GRIP1: variants seen among roughly 807,000 people sequenced by gnomAD.
GRIP1 encodes the protein glutamate receptor interacting protein 1, also known as glutamate receptor-interacting protein 1.
In GRIP1, 45 loss-of-function variants were observed where a neutral mutation model predicts 129.9. That is an observed-to-expected ratio of 0.35 (90% CI 0.27 to 0.44). GRIP1 has a LOEUF of 0.44. Among genes scored for constraint, GRIP1 ranks in the 20% least tolerant of loss-of-function variants. GRIP1 has a pLI of 1.00. For synonymous variants in GRIP1, 530 were observed against 520.8 expected (o/e 1.02, Z -0.24); for missense variants, 1,196 against 1,396.8 (o/e 0.86, Z 2.29).
At chr12:66,762,754 A>G (rs1284944799) in intron 1 of GRIP1, among the ~76,000 whole-genome samples, 2 of 152,234 alleles carry the variant, frequency 1.3e-5, no homozygotes, top group Non-Finnish European at 2.9e-5. Context: ...GACAGACATG[A>G]ACACACACAA....
intron 13 of GRIP1, 139 bp from the exon 14 acceptor site, chr12:66,432,767 A>C: frequency 1.6e-6 from 1 of 641,916 alleles, no homozygotes; most frequent in Non-Finnish European, 2.8e-6. Flanking sequence ...GAAGGCCTTT[A>C]AAATCCTAGT....
chr12:66,525,990 C>T (rs1394867018), intron 5 of GRIP1, among the ~76,000 whole-genome samples: 1 of 152,084 alleles, frequency 6.6e-6, no homozygotes, highest in African/African-American at 2.4e-5. Flanking sequence ...TGAAGGACCT[C>T]TTCAAGGAGA....
chr12:66,912,666 C>G (rs1481684780), intron 1 of GRIP1, among the ~76,000 whole-genome samples: 2 of 151,874 alleles, frequency 1.3e-5, no homozygotes, highest in Non-Finnish European at 2.9e-5. Context: ...CAATAGAAGA[C>G]TGAAAAAATA....
intron 1 of GRIP1, among the ~76,000 whole-genome samples, chr12:66,677,225 G>A (rs1398896819): frequency 6.6e-6 from 1 of 152,052 alleles, no homozygotes; most frequent in African/African-American, 2.4e-5. Context: ...TTCAATGCAG[G>A]AGATCAATGC....
chr12:66,393,667 AGC>A lies in GRIP1; in HGVS notation c.2129+539_2129+540del, dbSNP rs532139871. Among the ~76,000 whole-genome samples, 6 of 152,334 alleles carry A rather than the reference AGC, an allele frequency of 3.9e-5. No homozygotes were observed. The South Asian group carries it at 1.2e-3, about 32-fold the overall frequency. The stretch of plus-strand genomic sequence containing the variant: ...CACATCTCAGAAAGAAATGCAGTTT[AGC>A]GGAGGGTGGGGAGTGGGTGTGTGTG... On this transcript the variant is annotated intron_variant, in intron 17 of 24. Coordinates refer to ENST00000359742, the MANE Select transcript of GRIP1 (RefSeq NM_001366722.1).
rs772753895 is a variant in GRIP1 at position 66,979,252 on chromosome 12, A to AAAAAAAAAAAAAAC, written c.58+89797_58+89798insGTTTTTTTTTTTTT. Among the ~76,000 whole-genome samples the AAAAAAAAAAAAAAC allele has an allele frequency of 1.4e-3, 151 of 110,218 alleles. 8 individuals are homozygous for AAAAAAAAAAAAAAC. Among genetic ancestry groups the AAAAAAAAAAAAAAC allele is most frequent in the Middle Eastern group, 7.2e-3 (1 of 138 alleles). 72.3% of individuals were successfully genotyped at this position (110,218 alleles called of 152,430 possible). The stretch of plus-strand genomic sequence containing the variant: ...AAAAAAAAAAAAAAAAAAAAAAAAA[A>AAAAAAAAAAAAAAC]AACAAGCCCGTCATCCTGCAAGTAC... On this transcript the variant is annotated intron_variant, in intron 1 of 1. Transcript: ENST00000643019.
chr12:66,889,472 A>C (rs2040620890), intron 1 of GRIP1, among the ~76,000 whole-genome samples: 1 of 152,180 alleles, frequency 6.6e-6, no homozygotes, highest in South Asian at 2.1e-4. Context: ...AAAAACAACA[A>C]AATAATAATA....
At chr12:66,605,506 A>C (rs987823206) in intron 1 of GRIP1, among the ~76,000 whole-genome samples, 1 of 152,182 alleles carries the variant, frequency 6.6e-6, no homozygotes, top group East Asian at 1.9e-4. Context: ...AAGAGGTCTA[A>C]ATCTTGTGCC....
chr12:66,544,292 G>A (rs1355872267), intron 2 of GRIP1, among the ~76,000 whole-genome samples: 1 of 152,098 alleles, frequency 6.6e-6, no homozygotes, highest in African/African-American at 2.4e-5. Context: ...TGAGTAATTT[G>A]TGCATTCATT....
chr12:66,502,267 C>T (rs56196817), intron 7 of GRIP1, among the ~76,000 whole-genome samples: 14,431 of 152,038 alleles, frequency 0.095, 831 homozygotes, highest in Non-Finnish European at 0.13. Context: ...ATGGATATTA[C>T]CTAAAATATA....
chr12:66,973,122 A>C (rs921099357), intron 1 of GRIP1, among the ~76,000 whole-genome samples: 165 of 152,308 alleles, frequency 1.1e-3, no homozygotes, highest in Non-Finnish European at 1.2e-3. Context: ...TGTCTTTTTA[A>C]AACACAGCCA....
chr12:66,469,368 C>T (rs973986644), intron 7 of GRIP1, among the ~76,000 whole-genome samples: 2 of 152,120 alleles, frequency 1.3e-5, no homozygotes, highest in Non-Finnish European at 2.9e-5. Flanking sequence ...GAATCTAAAT[C>T]CCAGTATCCT....
intron 4 of GRIP1, among the ~76,000 whole-genome samples, chr12:66,531,272 T>A (rs1320958103): frequency 8.9e-5 from 1 of 11,262 alleles, no homozygotes; most frequent in Non-Finnish European, 1.3e-4. Context: ...TATATATATA[T>A]ATATATATAT....
intron 1 of GRIP1, among the ~76,000 whole-genome samples, chr12:67,033,994 T>C (rs2043058859): frequency 6.6e-6 from 1 of 152,190 alleles, no homozygotes; most frequent in Admixed American, 6.6e-5. Flanking sequence ...TCAAGGCTGA[T>C]GAAAAACTTA....
chr12:66,409,263 C>A (rs2057303261), intron 15 of GRIP1, among the ~76,000 whole-genome samples: 1 of 152,182 alleles, frequency 6.6e-6, no homozygotes, highest in Non-Finnish European at 1.5e-5. Flanking sequence ...AGCATAGTCT[C>A]AGTGGTGGTG....
At chr12:66,356,617 A>G (rs933318887) in intron 23 of GRIP1, among the ~76,000 whole-genome samples, 1 of 152,050 alleles carries the variant, frequency 6.6e-6, no homozygotes, top group African/African-American at 2.4e-5. Flanking sequence ...CTCAGATCCA[A>G]CAACCACCAA....
At chr12:66,693,467 G>T (rs1205979144) in intron 1 of GRIP1, among the ~76,000 whole-genome samples, 4 of 152,068 alleles carry the variant, frequency 2.6e-5, no homozygotes, top group African/African-American at 9.7e-5. Context: ...CCCCACTAGG[G>T]TTCCTTCATT....
At chr12:66,517,217 G>A (rs1655054909) in intron 6 of GRIP1, among the ~76,000 whole-genome samples, 1 of 152,092 alleles carries the variant, frequency 6.6e-6, no homozygotes, top group Non-Finnish European at 1.5e-5. Flanking sequence ...AACTTTTGCT[G>A]TGGGAAACTA....
intron 1 of GRIP1, among the ~76,000 whole-genome samples, chr12:66,859,975 C>A (rs571835898): frequency 6.6e-6 from 1 of 152,164 alleles, no homozygotes; most frequent in East Asian, 1.9e-4. Context: ...TATTTCCAGG[C>A]ATCCTGATGT....
Sources: allele counts gnomAD v4.1 joint callset (sites outside exome capture counted in the v4.1 genomes callset), GRCh38; gene constraint gnomAD v4.1.1; transcripts MANE v1.5; gene names NCBI Gene and HGNC (gene_info 2026-07-23, HGNC 2026-07-21).